The following RBBP8 variants were observed in gnomAD, a reference collection of about 807,000 sequenced individuals.
RBBP8 encodes the protein DNA endonuclease RBBP8.
In RBBP8, 88 loss-of-function variants were observed where a neutral mutation model predicts 108.3. That is an observed-to-expected ratio of 0.81 (90% CI 0.68 to 0.97). The LOEUF is 0.97. RBBP8 is among the 50% of genes least tolerant of loss of function. The pLI is 0.00. For synonymous variants in RBBP8, 332 were observed against 348.2 expected (o/e 0.95, Z 0.52); for missense variants, 1,023 against 1,049.0 (o/e 0.98, Z 0.34).
intron 6 of RBBP8, among the ~76,000 whole-genome samples, chr18:22,978,836 T>C (rs867779597): frequency 6.6e-6 from 1 of 152,236 alleles, no homozygotes; most frequent in Admixed American, 6.5e-5. Context: ...AGATTTTAAA[T>C]GTTTTTACTA....
intron 6 of RBBP8, among the ~76,000 whole-genome samples, chr18:22,979,377 T>C (rs976595630): frequency 3.9e-5 from 6 of 152,168 alleles, no homozygotes; most frequent in Non-Finnish European, 8.8e-5. Flanking sequence ...CTCTAAAGAT[T>C]GTTCCTTGGT....
rs528496329 is a variant in RBBP8, at chr18:22,982,807, G to A, written c.604+414G>A. Among the ~76,000 whole-genome samples the A allele has an allele frequency of 7.2e-5, 11 of 152,290 alleles. 1 individual carries two copies. The South Asian group carries it at 2.3e-3, about 32-fold the overall frequency. Reference sequence around the variant, plus strand: ...TTTAATTCTCGTAACAGGCTTGTGAGATAACTATCAGCTCTTTTGTTTTAT... The same window carrying A: ...TTTAATTCTCGTAACAGGCTTGTGAAATAACTATCAGCTCTTTTGTTTTAT... On this transcript the variant is annotated intron_variant, in intron 7 of 18. Coordinates refer to ENST00000327155, the MANE Select transcript of RBBP8 (RefSeq NM_002894.3).
At position 22,993,191 on chromosome 18, in the gene RBBP8, A is replaced by G. The variant is rs758696299; in HGVS notation, c.1364A>G (p.Glu455Gly). The part of the protein sequence containing the change: ...SKRKKTEEES[E>G]HEVSCPQASF... ...AGGAAGAAAACTGAGGAAGAAAGTGAACATGAAGTAAGCTGCCCCCAAGCT... is the reference window on the plus strand; with the variant it reads ...AGGAAGAAAACTGAGGAAGAAAGTGGACATGAAGTAAGCTGCCCCCAAGCT... The change falls in exon 11 of 19, where the codon GAA becomes GGA. Residue 455 changes from glutamate to glycine, a missense_variant. Coordinates refer to ENST00000327155, the MANE Select transcript of RBBP8 (RefSeq NM_002894.3). The G allele has an allele frequency of 4.3e-6, 7 of 1,614,074 alleles. No homozygotes were observed. The Admixed American group carries it at 1.0e-4, about 23-fold the overall frequency.
intron 2 of RBBP8, among the ~76,000 whole-genome samples, chr18:22,941,213 C>G (rs1457440197): frequency 6.6e-6 from 1 of 151,938 alleles, no homozygotes; most frequent in Non-Finnish European, 1.5e-5. Context: ...ACTCTGTCAC[C>G]CAGGCTGGAG....
Position 22,993,350 on chromosome 18 carries a change from G to C in RBBP8, c.1523G>C (p.Gly508Ala), listed in dbSNP as rs1380057409. Residue 508 changes from glycine to alanine, a missense_variant, in exon 11 of 19, where the codon GGA becomes GCA. Gly to Ala is a moderately conservative substitution (Grantham distance 60). Transcript: ENST00000327155. ...ATTCAGCGTCAAGAGAAAAGCCAAGGAAGTGAGACTTCTAAAAACAAATTT... is the reference window on the plus strand; with the variant it reads ...ATTCAGCGTCAAGAGAAAAGCCAAGCAAGTGAGACTTCTAAAAACAAATTT... ...SAIQRQEKSQ[G>A]SETSKNKFRQ... 1 of 1,614,222 alleles carries C rather than the reference G, an allele frequency of 6.2e-7. No individual in the cohort carries two copies. Among genetic ancestry groups the C allele is most frequent in the Non-Finnish European group, 8.5e-7 (1 of 1,180,034 alleles).
At chr18:22,961,913 G>A (rs938995827) in intron 4 of RBBP8, among the ~76,000 whole-genome samples, 4 of 152,144 alleles carry the variant, frequency 2.6e-5, no homozygotes, top group African/African-American at 9.7e-5. Context: ...TGCTTAGGTG[G>A]TTTTGAGAAA....
chr18:23,015,435 TAAG>T (rs1409254130), intron 16 of RBBP8, among the ~76,000 whole-genome samples: 1 of 152,190 alleles, frequency 6.6e-6, no homozygotes, highest in Non-Finnish European at 1.5e-5. Flanking sequence ...AAGGCAGAAA[TAAG>T]AAGTAATAGT....
At position 22,993,280 on chromosome 18, in the gene RBBP8, T is replaced by C. The variant is rs144267335; in HGVS notation, c.1453T>C (p.Cys485Arg). The C allele has an allele frequency of 2.3e-4, 376 of 1,614,104 alleles. No homozygotes were observed. The highest frequency in any genetic ancestry group is 3.1e-4 in the Non-Finnish European group (365 of 1,180,028). ...TAATCAGTTTTCCATGAATGGAGAC[T>C]GTGTGATGGATAAACCTCTGGATCT... ...MDNQFSMNGD[C>R]VMDKPLDLSD... Residue 485 changes from cysteine to arginine, a missense_variant, in exon 11 of 19, where the codon TGT (cysteine) becomes CGT (arginine). Coordinates refer to ENST00000327155, the MANE Select transcript of RBBP8 (RefSeq NM_002894.3).
At chr18:22,988,403 G>A (rs778891451) in intron 8 of RBBP8, among the ~76,000 whole-genome samples, 28 of 152,198 alleles carry the variant, frequency 1.8e-4, no homozygotes, top group Non-Finnish European at 2.8e-4. Context: ...GTCAAACCAC[G>A]CGTAGTTCCC....
intron 10 of RBBP8, among the ~76,000 whole-genome samples, chr18:22,992,355 C>T (rs1915758443): frequency 6.6e-6 from 1 of 151,998 alleles, no homozygotes. Context: ...GCCACCACAC[C>T]CGGCTAATTT....
In RBBP8 at chr18:22,987,610, T is replaced by C. The variant is rs1915417370; in HGVS notation, c.710-1611T>C. ...CTGAGACTACAGGCACACACCACCA[T>C]GTCTGGCTGATATTTGTATTTTTGT... On this transcript the variant is annotated intron_variant, in intron 8 of 18. Coordinates refer to ENST00000327155, the MANE Select transcript of RBBP8 (RefSeq NM_002894.3). 2.0e-5 allele frequency among the ~76,000 whole-genome samples: 3 copies of C among 152,122 alleles called. No homozygotes were observed. In the South Asian group the frequency reaches 6.2e-4, roughly 32 times the overall value.
chr18:22,976,399 C>T (rs1318619701), intron 6 of RBBP8, among the ~76,000 whole-genome samples: 1 of 152,130 alleles, frequency 6.6e-6, no homozygotes, highest in African/African-American at 2.4e-5. Flanking sequence ...CACAGATCCA[C>T]AATCTGTTAC....
At chr18:22,998,806 T>C (rs2045900559) in intron 14 of RBBP8, among the ~76,000 whole-genome samples, 1 of 152,246 alleles carries the variant, frequency 6.6e-6, no homozygotes, top group African/African-American at 2.4e-5. Context: ...GCCTTATTTG[T>C]TCTTCAATGA....
At chr18:23,000,360 C>T (rs1308258495) in intron 14 of RBBP8, among the ~76,000 whole-genome samples, 1 of 152,070 alleles carries the variant, frequency 6.6e-6, no homozygotes, top group African/African-American at 2.4e-5. Context: ...TCAAATATGG[C>T]ATTGAATTCC....
chr18:22,993,301 G>A lies in RBBP8; in HGVS notation c.1474G>A (p.Asp492Asn), dbSNP rs775741219. The change falls in exon 11 of 19, where the codon GAT becomes AAT. Residue 492 changes from aspartate (D) to asparagine (N), a missense_variant. Coordinates refer to ENST00000327155, the MANE Select transcript of RBBP8 (RefSeq NM_002894.3). ...NGDCVMDKPL[D>N]LSDRFSAIQR... is the part of the protein sequence containing the mutation. Reference sequence around the variant, plus strand: ...AGACTGTGTGATGGATAAACCTCTGGATCTGTCTGATCGATTTTCAGCTAT... The same window carrying A: ...AGACTGTGTGATGGATAAACCTCTGAATCTGTCTGATCGATTTTCAGCTAT... 5 of 1,614,092 alleles carry A rather than the reference G, an allele frequency of 3.1e-6. No individual in the cohort carries two copies. In the Admixed American group the frequency reaches 8.3e-5, roughly 27 times the overall value.
chr18:22,992,072 G>A (rs1368682232), intron 10 of RBBP8, among the ~76,000 whole-genome samples: 2 of 152,112 alleles, frequency 1.3e-5, no homozygotes, highest in Non-Finnish European at 2.9e-5. Flanking sequence ...CTCTTTCTAC[G>A]CATATTTCCT....
intron 1 of RBBP8, chr18:22,914,335 T>C (rs1909272385): frequency 1.3e-5 from 2 of 152,210 alleles, no homozygotes; most frequent in South Asian, 4.1e-4. Flanking sequence ...TTTCTCAGTT[T>C]CCTATGCATT....
At chr18:23,022,302 A>T (rs766682627) in intron 18 of RBBP8, 32 bp downstream of exon 18, 24 of 1,577,768 alleles carry the variant, frequency 1.5e-5, no homozygotes, top group South Asian at 5.6e-5. Flanking sequence ...TTTTATAATT[A>T]TTTTTTTTAA....
intron 3 of RBBP8, among the ~76,000 whole-genome samples, chr18:22,947,504 C>G (rs1911666846): frequency 6.6e-6 from 1 of 151,894 alleles, no homozygotes; most frequent in Non-Finnish European, 1.5e-5. Context: ...CAAGATTTAC[C>G]CAGCTTCTTA....
Sources: gnomAD v4.1 joint callset for allele counts (sites outside exome capture counted in the v4.1 genomes callset) on GRCh38, gnomAD v4.1.1 for gene constraint, MANE v1.5 for transcripts, NCBI Gene and HGNC (gene_info 2026-07-23, HGNC 2026-07-21) for gene names.